BRAP: variants seen among roughly 807,000 people sequenced by gnomAD.
BRAP encodes the protein BRCA1-associated protein.
In BRAP, 42 loss-of-function variants were observed where a neutral mutation model predicts 73.4. The ratio of observed to expected loss-of-function variants is 0.57; its 90% CI spans 0.45 to 0.74. The LOEUF is 0.74. BRAP is among the 30% of genes least tolerant of loss of function. The probability of loss-of-function intolerance (pLI) is 0.00; values close to 1 mark genes in which losing one functional copy is unlikely to be tolerated. For synonymous variants in BRAP, 255 were observed against 267.4 expected (o/e 0.95, Z 0.45); for missense variants, 593 against 751.4 (o/e 0.79, Z 2.46).
At chr12:111,651,015 T>C (rs1886298842) in intron 10 of BRAP, among the ~76,000 whole-genome samples, 1 of 152,084 alleles carries the variant, frequency 6.6e-6, no homozygotes, top group Non-Finnish European at 1.5e-5. Context: ...ATCTGCGAAC[T>C]TGGGAATTTC....
In BRAP at chr12:111,683,179, C is replaced by G. The variant is rs753294379; in HGVS notation, c.211G>C (p.Asp71His). 14 of 1,614,000 alleles carry G rather than the reference C, an allele frequency of 8.7e-6. No homozygotes were observed. The East Asian group carries it at 3.1e-4, about 36-fold the overall frequency. Reference sequence around the variant, plus strand: ...GACTTCATGGTCTCAATGATCACATCTGTCATTTCTCGACGGCCGAGATGC... The same window carrying G: ...GACTTCATGGTCTCAATGATCACATGTGTCATTTCTCGACGGCCGAGATGC... ...HQHLGRREMT[D>H]VIIETMKSNP... The change falls in exon 2 of 12, where the codon GAT (aspartate) becomes CAT (histidine). Residue 71 changes from aspartate to histidine, a missense_variant. This residue lies in a region of BRAP where 304 missense variants were observed against 337.7 expected (regional missense o/e 0.90). Coordinates refer to ENST00000419234, the MANE Select transcript of BRAP (RefSeq NM_006768.5).
intron 4 of BRAP, 38 bp from the exon 5 acceptor site, chr12:111,672,812 CA>C: frequency 1.3e-6 from 2 of 1,523,114 alleles, no homozygotes; most frequent in Non-Finnish European, 1.8e-6. Flanking sequence ...AAAATTAAGA[CA>C]GATACCCTGA....
At chr12:111,677,790 C>T (rs111811825) in intron 4 of BRAP, among the ~76,000 whole-genome samples, 1 of 152,196 alleles carries the variant, frequency 6.6e-6, no homozygotes, top group Admixed American at 6.5e-5. Flanking sequence ...TTAATGTCAA[C>T]TTGTAAACTT....
At chr12:111,646,236 T>G (rs978883973) in intron 11 of BRAP, among the ~76,000 whole-genome samples, 6 of 152,004 alleles carry the variant, frequency 3.9e-5, no homozygotes, top group Non-Finnish European at 7.4e-5. Flanking sequence ...CAGTGGGCTG[T>G]GATTGCATCA....
At chr12:111,648,628 T>C (rs936153394) in intron 11 of BRAP, among the ~76,000 whole-genome samples, 5 of 139,510 alleles carry the variant, frequency 3.6e-5, no homozygotes, top group Admixed American at 7.4e-5. Flanking sequence ...AGCAAGACTC[T>C]GTCTAAAAAT....
At position 111,643,163 on chromosome 12, in the gene BRAP, A is replaced by G. The variant is rs1254920895; in HGVS notation, c.*1036T>C. Reference sequence around the variant, plus strand: ...CCCTCTGTTGGCCCACACAAGCGTTATATGACTGTTCTAAAGGGGGCTCTG... The same window carrying G: ...CCCTCTGTTGGCCCACACAAGCGTTGTATGACTGTTCTAAAGGGGGCTCTG... On this transcript the variant is annotated 3_prime_UTR_variant, in exon 12 of 12. Coordinates refer to ENST00000419234, the MANE Select transcript of BRAP (RefSeq NM_006768.5). 2 of 152,208 alleles carry G rather than the reference A, an allele frequency of 1.3e-5. No homozygotes were observed. Among genetic ancestry groups the G allele is most frequent in the African/African-American group, 2.4e-5 (1 of 41,454 alleles). 9.4% of individuals were successfully genotyped at this position (152,208 alleles called of 1,614,324 possible). A position where few individuals can be genotyped will look rare whatever the true frequency, so the allele number is the denominator to read the frequency against.
intron 5 of BRAP, among the ~76,000 whole-genome samples, chr12:111,666,858 G>T (rs1886964348): frequency 6.6e-6 from 1 of 152,178 alleles, no homozygotes; most frequent in South Asian, 2.1e-4. Flanking sequence ...ATTTAAGAAA[G>T]GAATCTCTAA....
In BRAP at chr12:111,679,341, C is replaced by T. The variant is rs1304308326; in HGVS notation, c.444-1G>A. The T allele has an allele frequency of 1.3e-6, 2 of 1,502,022 alleles. No homozygotes were observed. Among genetic ancestry groups the T allele is most frequent in the South Asian group, 1.4e-5 (1 of 70,612 alleles). 93.0% of individuals were successfully genotyped at this position (1,502,022 alleles called of 1,614,324 possible). On this transcript the variant is annotated splice_acceptor_variant, in intron 3 of 11. Coordinates refer to ENST00000419234, the MANE Select transcript of BRAP (RefSeq NM_006768.5). LOFTEE classifies it high-confidence loss of function. The stretch of plus-strand genomic sequence containing the variant: ...ATCTTCTTTTAAGGAGGTCATCTTA[C>T]TAACAAAAAAAAAATTAGAGTGTCT...
chr12:111,662,325 C>A (rs1268856819), intron 6 of BRAP, among the ~76,000 whole-genome samples: 1 of 151,706 alleles, frequency 6.6e-6, no homozygotes, highest in Non-Finnish European at 1.5e-5. Flanking sequence ...CCTAGGCGGG[C>A]GGATTACCTA....
At chr12:111,658,616 G>T in intron 9 of BRAP, 120 bp downstream of exon 9, 2 of 739,286 alleles carry the variant, frequency 2.7e-6, no homozygotes, top group Non-Finnish European at 2.1e-6. Context: ...AAGCCACTGC[G>T]CCCGGCCATG....
In BRAP at chr12:111,685,597, T is replaced by C. The variant is rs939171632; in HGVS notation, c.82+114A>G. The C allele has an allele frequency of 1.2e-5, 17 of 1,392,568 alleles. No individual in the cohort carries two copies. In the Admixed American group the frequency reaches 1.9e-4, roughly 16 times the overall value. The allele number at this position is 1,392,568 out of a possible 1,614,324, so 86.3% of individuals were successfully genotyped here. On this transcript the variant is annotated intron_variant, in intron 1 of 11. Coordinates refer to ENST00000419234, the MANE Select transcript of BRAP (RefSeq NM_006768.5). ...GAGGGATCCCGATTACCTCTCCGTG[T>C]CTTCCTGGGCAACAGCCCTCGCCGC...
chr12:111,685,684 G>C (rs754439116), intron 1 of BRAP, 27 bp downstream of exon 1: 2 of 1,593,974 alleles, frequency 1.3e-6, no homozygotes, highest in Non-Finnish European at 1.7e-6. Context: ...CCGGCTACAG[G>C]GAATGCGGCG....
intron 10 of BRAP, among the ~76,000 whole-genome samples, chr12:111,655,061 G>A (rs1027312596): frequency 6.6e-6 from 1 of 152,142 alleles, no homozygotes; most frequent in Non-Finnish European, 1.5e-5. Flanking sequence ...TGCTAAAGTA[G>A]TGAATGGCAT....
Position 111,660,555 on chromosome 12 carries a change from A to T in BRAP, c.972+45T>A, listed in dbSNP as rs200777843. 30 of 1,524,966 alleles carry T rather than the reference A, an allele frequency of 2.0e-5. No homozygotes were observed. In the East Asian group the frequency reaches 7.0e-4, roughly 36 times the overall value. The allele number at this position is 1,524,966 out of a possible 1,614,324, so 94.5% of individuals were successfully genotyped here. ...TACCAGGCAGAAGAAAACTCATGAC[A>T]ATTAAAGCTGCATTCTTTGTTCTTT... On this transcript the variant is annotated intron_variant, in intron 7 of 11. Coordinates refer to ENST00000419234, the MANE Select transcript of BRAP (RefSeq NM_006768.5).
At chr12:111,675,368 AG>A (rs1887341688) in intron 4 of BRAP, among the ~76,000 whole-genome samples, 1 of 151,774 alleles carries the variant, frequency 6.6e-6, no homozygotes, top group African/African-American at 2.4e-5. Context: ...AAAAAGAAAA[AG>A]TACTTTTTTG....
At position 111,660,514 on chromosome 12, in the gene BRAP, TAAAG is replaced by T. The variant is rs1886705872; in HGVS notation, c.972+82_972+85del. 14 of 1,148,184 alleles carry T rather than the reference TAAAG, an allele frequency of 1.2e-5. No individual in the cohort carries two copies. In the East Asian group the frequency reaches 3.5e-4, roughly 29 times the overall value. 71.1% of individuals were successfully genotyped at this position (1,148,184 alleles called of 1,614,324 possible). A position where few individuals can be genotyped will look rare whatever the true frequency, so the allele number is the denominator to read the frequency against. On this transcript the variant is annotated intron_variant, in intron 7 of 11. Coordinates refer to ENST00000419234, the MANE Select transcript of BRAP (RefSeq NM_006768.5). ...TAAAAAATAAAAAATAAATTAAAAA[TAAAG>T]AACTTAAGTCATACCAGGCAGAAGA...
chr12:111,672,814 G>C (rs1887230918), intron 4 of BRAP, 40 bp from the exon 5 acceptor site: 1 of 1,514,814 alleles, frequency 6.6e-7, no homozygotes, highest in Non-Finnish European at 9.1e-7. Flanking sequence ...AATTAAGACA[G>C]ATACCCTGAA....
chr12:111,645,150 C>A (rs1224934174), intron 11 of BRAP, among the ~76,000 whole-genome samples: 1 of 151,932 alleles, frequency 6.6e-6, no homozygotes, highest in Non-Finnish European at 1.5e-5. Flanking sequence ...CTCACTGCAA[C>A]CTCTGCCGCT....
At chr12:111,648,090 G>A (rs1187467847) in intron 11 of BRAP, among the ~76,000 whole-genome samples, 1 of 152,036 alleles carries the variant, frequency 6.6e-6, no homozygotes. Context: ...ATGAGGTCAA[G>A]AGATCGAGAC....
Sources: gnomAD v4.1 joint callset for allele counts (sites outside exome capture counted in the v4.1 genomes callset) on GRCh38, gnomAD v4.1.1 for gene constraint, gnomAD v4.1.1 regional missense constraint, MANE v1.5 for transcripts, NCBI Gene and HGNC (gene_info 2026-07-23, HGNC 2026-07-21) for gene names.